The following TACC2 variants were observed in gnomAD, a reference collection of about 807,000 sequenced individuals.
TACC2 encodes the protein transforming acidic coiled-coil containing protein 2.
TACC2 carries 137 observed loss-of-function variants against 227.3 expected under a neutral mutation model. That is an observed-to-expected ratio of 0.60 (90% CI 0.52 to 0.69). The LOEUF (loss-of-function observed/expected upper bound fraction) is 0.69, where lower values mean the gene tolerates loss of function less well. TACC2 is among the 30% of genes least tolerant of loss of function. The probability of loss-of-function intolerance (pLI) is 0.00; values close to 1 mark genes in which losing one functional copy is unlikely to be tolerated. For missense variants in TACC2, 3,470 were observed against 3,694.4 expected, an observed-to-expected ratio of 0.94 and a Z score of 1.57; for synonymous variants, 1,523 against 1,487.5, an observed-to-expected ratio of 1.02 and a Z score of -0.55.
Position 122,014,589 on chromosome 10 carries a change from T to A in TACC2, c.-45-7348T>A, listed in dbSNP as rs371691605. Among the ~76,000 whole-genome samples, 16 of 152,298 alleles carry A rather than the reference T, an allele frequency of 1.1e-4. 1 individual carries two copies. The highest frequency in any genetic ancestry group is 5.9e-4 in the Admixed American group (9 of 15,302). Reference sequence around the variant, plus strand: ...CATGCTCAGTGTATAAAATGGGGCATCAGCCTGGCCTAGACCTCACAGTCC... The same window carrying A: ...CATGCTCAGTGTATAAAATGGGGCAACAGCCTGGCCTAGACCTCACAGTCC... On this transcript the variant is annotated intron_variant, in intron 1 of 22. Transcript: ENST00000369005.
intron 2 of TACC2, among the ~76,000 whole-genome samples, chr10:122,023,955 G>A (rs1957671043): frequency 6.6e-6 from 1 of 152,014 alleles, no homozygotes; most frequent in Non-Finnish European, 1.5e-5. Context: ...GTGGGAAGGT[G>A]GTGCCAATGT....
intron 5 of TACC2, among the ~76,000 whole-genome samples, chr10:122,102,103 C>T (rs1431519929): frequency 1.3e-5 from 2 of 152,172 alleles, no homozygotes; most frequent in African/African-American, 2.4e-5. Flanking sequence ...CTTCACCCGT[C>T]GGTTTGGGCA....
chr10:121,996,201 G>C (rs1007916494), intron 1 of TACC2, among the ~76,000 whole-genome samples: 2 of 151,924 alleles, frequency 1.3e-5, no homozygotes, highest in African/African-American at 4.8e-5. Flanking sequence ...CCACAGGCAC[G>C]CACCACCACA....
intron 10 of TACC2, among the ~76,000 whole-genome samples, 196 bp downstream of exon 10, chr10:122,215,647 C>T (rs1456927646): frequency 1.3e-5 from 2 of 152,050 alleles, no homozygotes; most frequent in East Asian, 3.9e-4. Context: ...CAGAGTGTGT[C>T]CCGAGAGTGG....
At chr10:122,103,031 C>T (rs11819384) in intron 5 of TACC2, among the ~76,000 whole-genome samples, 36,202 of 151,672 alleles carry the variant, frequency 0.24, 4,567 homozygotes, top group East Asian at 0.48. Flanking sequence ...TTGTACAGCC[C>T]ATCATGGAAT....
chr10:122,065,681 G>A (rs184169683), intron 3 of TACC2, among the ~76,000 whole-genome samples: 162 of 152,212 alleles, frequency 1.1e-3, no homozygotes, highest in African/African-American at 3.7e-3. Context: ...CTATCCACTT[G>A]TTCAATTATT....
chr10:122,070,397 T>G (rs571948496), intron 3 of TACC2, among the ~76,000 whole-genome samples: 2 of 152,104 alleles, frequency 1.3e-5, no homozygotes, highest in South Asian at 4.2e-4. Flanking sequence ...TTGCTTGAGC[T>G]CAGGAGTTTG....
rs759309486 is a variant in TACC2, at chr10:122,224,759, A to G, written c.7580A>G (p.Tyr2527Cys). Residue 2527 changes from tyrosine (Y) to cysteine (C), a missense_variant, in exon 12 of 23, where the codon TAT becomes TGT. Physicochemically the swap from Tyr to Cys is radical, Grantham distance 194. Coordinates refer to ENST00000369005, the MANE Select transcript of TACC2 (RefSeq NM_206862.4). Reference sequence around the variant, plus strand: ...TACAGAAACTCCTATGAAATTGAATATATGGAGAAAATTGGCTCCTCCTTA... The same window carrying G: ...TACAGAAACTCCTATGAAATTGAATGTATGGAGAAAATTGGCTCCTCCTTA... ...LDYRNSYEIE[Y>C]MEKIGSSLPQ... 6.2e-7 allele frequency: 1 copy of G among 1,613,944 alleles called. No individual in the cohort carries two copies. Among genetic ancestry groups the G allele is most frequent in the Non-Finnish European group, 8.5e-7 (1 of 1,180,046 alleles).
chr10:122,091,777 TG>T (rs770086155), intron 5 of TACC2, among the ~76,000 whole-genome samples: 3 of 152,168 alleles, frequency 2.0e-5, no homozygotes, highest in Non-Finnish European at 2.9e-5. Flanking sequence ...GTGTTGCCTT[TG>T]AAGGTGAAAA....
chr10:122,164,763 T>C (rs541187842), intron 7 of TACC2, among the ~76,000 whole-genome samples: 184 of 152,304 alleles, frequency 1.2e-3, no homozygotes, highest in Non-Finnish European at 2.4e-3. Context: ...CTCAGGCTTG[T>C]ATCCAAAGTG....
chr10:122,196,364 G>A (rs1024946162), intron 8 of TACC2, among the ~76,000 whole-genome samples: 1 of 152,174 alleles, frequency 6.6e-6, no homozygotes, highest in Admixed American at 6.5e-5. Flanking sequence ...GCCTTTGGTG[G>A]AGTCTGCCGA....
intron 5 of TACC2, among the ~76,000 whole-genome samples, chr10:122,095,025 T>TC (rs1401933143): frequency 1.3e-5 from 2 of 151,644 alleles, no homozygotes; most frequent in African/African-American, 2.4e-5. Context: ...CTTATTGAGC[T>TC]CCCCCCCACC....
At position 122,083,846 on chromosome 10, in the gene TACC2, G is replaced by A. The variant is rs750412382; in HGVS notation, c.1346G>A (p.Gly449Glu). The A allele has an allele frequency of 2.8e-5, 45 of 1,614,036 alleles. No individual in the cohort carries two copies. The highest frequency in any genetic ancestry group is 3.5e-5 in the Non-Finnish European group (41 of 1,180,042). Reference sequence around the variant, plus strand: ...TCCAGGGAATCAGTTTCCAAGGCTGGGATGCCAGTTTCTGCAGATGCAGCC... The same window carrying A: ...TCCAGGGAATCAGTTTCCAAGGCTGAGATGCCAGTTTCTGCAGATGCAGCC... ...SSSRESVSKA[G>E]MPVSADAAKE... Residue 449 changes from glycine (G) to glutamate (E), a missense_variant, in exon 4 of 23, where the codon GGG becomes GAG. Gly to Glu is a moderately conservative substitution (Grantham distance 98). Coordinates refer to ENST00000369005, the MANE Select transcript of TACC2 (RefSeq NM_206862.4).
In TACC2 at chr10:122,107,800, C is replaced by G. The variant is rs148713831; in HGVS notation, c.5573+19209C>G. On this transcript the variant is annotated intron_variant, in intron 5 of 22. Coordinates refer to ENST00000369005, the MANE Select transcript of TACC2 (RefSeq NM_206862.4). The stretch of plus-strand genomic sequence containing the variant: ...GCCACCTAAGCAGTGTACACCGTAC[C>G]CAGTGTGTAGTCTATATCCCTCACC... 1.7e-3 allele frequency among the ~76,000 whole-genome samples: 251 copies of G among 149,830 alleles called. 4 individuals are homozygous for G. In the East Asian group the frequency reaches 0.047, roughly 28 times the overall value.
chr10:122,176,701 G>A (rs1419516367), intron 7 of TACC2, among the ~76,000 whole-genome samples: 1 of 152,222 alleles, frequency 6.6e-6, no homozygotes, highest in African/African-American at 2.4e-5. Flanking sequence ...CAGCAAGTCA[G>A]CAAATGTGGG....
chr10:122,120,609 G>A (rs1195843914), intron 5 of TACC2, among the ~76,000 whole-genome samples: 1 of 152,182 alleles, frequency 6.6e-6, no homozygotes, highest in Non-Finnish European at 1.5e-5. Flanking sequence ...GAGCAGCTGG[G>A]ATGGAGCTCA....
At chr10:122,187,002 C>G (rs183588730) in intron 7 of TACC2, among the ~76,000 whole-genome samples, 123 of 152,250 alleles carry the variant, frequency 8.1e-4, no homozygotes, top group East Asian at 3.7e-3. Context: ...AGTTACAAAT[C>G]GGTGAAATCA....
chr10:122,237,424 C>T lies in TACC2; in HGVS notation c.8157C>T (p.Ser2719=). The T allele has an allele frequency of 6.2e-7, 1 of 1,613,870 alleles. No homozygotes were observed. Residue 2719 remains serine (S), a synonymous_variant, in exon 17 of 23, where the codon TCC becomes TCT. Coordinates refer to ENST00000369005, the MANE Select transcript of TACC2 (RefSeq NM_206862.4). ...KREAAHPTDV[S]ISKTALYSRI... ...AGGCTGCTCACCCAACAGACGTCTC[C>T]ATCTCCAAAACAGCCTTGTACTCCC...
intron 7 of TACC2, among the ~76,000 whole-genome samples, chr10:122,144,870 G>A (rs2091161592): frequency 1.3e-5 from 2 of 152,154 alleles, no homozygotes; most frequent in African/African-American, 4.8e-5. Flanking sequence ...GGCAGAGCAG[G>A]AACATTTGTT....
Sources: gnomAD v4.1 joint callset for allele counts (sites outside exome capture counted in the v4.1 genomes callset) on GRCh38, gnomAD v4.1.1 for gene constraint, MANE v1.5 for transcripts, NCBI Gene and HGNC (gene_info 2026-07-23, HGNC 2026-07-21) for gene names.